The following TTC34 variants were observed in gnomAD, a reference collection of about 807,000 sequenced individuals.
TTC34 encodes tetratricopeptide repeat protein 34.
A neutral mutation model predicts 40.7 loss-of-function variants in TTC34; 44 were observed. The ratio of observed to expected loss-of-function variants is 1.08; its 90% confidence interval spans 0.85 to 1.39. TTC34 has a LOEUF of 1.39. Ranked by LOEUF, TTC34 falls within the 40% of genes most tolerant of loss-of-function variation. TTC34 has a pLI of 0.00. For missense variants in TTC34, 884 were observed against 838.0 expected (o/e 1.05, Z -0.68); for synonymous variants, 422 against 398.6 (o/e 1.06, Z -0.70).
chr1:2,757,057 GGACC>G (rs2100449998), intron 6 of TTC34, among the ~76,000 whole-genome samples: 1 of 148,794 alleles, frequency 6.7e-6, no homozygotes, highest in East Asian at 2.0e-4. Context: ...GCCTGGAACA[GGACC>G]CACACCCCCA....
At chr1:2,683,457 G>T (rs1640172378) in intron 6 of TTC34, among the ~76,000 whole-genome samples, 1 of 151,430 alleles carries the variant, frequency 6.6e-6, no homozygotes, top group African/African-American at 2.4e-5. Flanking sequence ...CCGACAGCCT[G>T]GAGCAGCACC....
chr1:2,789,654 C>T, exon 3 of TTC34: 2 of 1,336,048 alleles, frequency 1.5e-6, no homozygotes, highest in Non-Finnish European at 1.9e-6. Context: ...GGCACGTAGG[C>T]CTTGGCGGCC....
rs1379675465 is a variant in TTC34, at chr1:2,750,358, C to G, written c.2226+33251G>C. On this transcript the variant is annotated intron_variant, in intron 6 of 8. Coordinates refer to ENST00000401095, the Ensembl canonical transcript of TTC34. ...AGCCTCTGACAGCCTTGAACAGCAC[C>G]CTGCACCCCGAGGTGAGCATCTGAC... is the stretch of plus-strand genomic sequence containing the variant. 5.8e-5 allele frequency among the ~76,000 whole-genome samples: 6 copies of G among 103,880 alleles called. 2 individuals are homozygous for G. Among genetic ancestry groups the G allele is most frequent in the African/African-American group, 2.7e-4 (6 of 22,224 alleles). The allele number at this position is 103,880 out of a possible 152,430, so 68.1% of individuals were successfully genotyped here.
At chr1:2,792,725 G>A (rs1435274703) in intron 2 of TTC34, among the ~76,000 whole-genome samples, 1 of 152,202 alleles carries the variant, frequency 6.6e-6, no homozygotes, top group Non-Finnish European at 1.5e-5. Flanking sequence ...ATTTGGTGCT[G>A]CACCCCCTCT....
chr1:2,683,923 A>C (rs1328390972), intron 6 of TTC34, among the ~76,000 whole-genome samples: 7 of 142,770 alleles, frequency 4.9e-5, no homozygotes, highest in Admixed American at 4.2e-4. Context: ...CCTCCAGGTG[A>C]GCATCTGATG....
chr1:2,683,547 C>G (rs1423518187), intron 6 of TTC34, among the ~76,000 whole-genome samples: 2 of 53,172 alleles, frequency 3.8e-5, no homozygotes, highest in African/African-American at 1.1e-4. Context: ...GGAGCAGCAC[C>G]CACAACCACA....
intron 7 of TTC34, among the ~76,000 whole-genome samples, chr1:2,644,869 C>A (rs147787515): frequency 1.3e-5 from 2 of 152,132 alleles, no homozygotes; most frequent in Non-Finnish European, 2.9e-5. Flanking sequence ...GAAGTGGTTT[C>A]CACATCACCA....
intron 6 of TTC34, among the ~76,000 whole-genome samples, chr1:2,749,052 G>A (rs1641234408): frequency 3.6e-5 from 5 of 140,266 alleles, no homozygotes; most frequent in East Asian, 2.2e-4. Flanking sequence ...CCCCAGGTGA[G>A]AATCCGACAG....
At chr1:2,767,781 C>T (rs1318364796) in intron 6 of TTC34, among the ~76,000 whole-genome samples, 1 of 147,872 alleles carries the variant, frequency 6.8e-6, no homozygotes, top group Non-Finnish European at 1.5e-5. Context: ...AGTTGAGCAT[C>T]TGACAGCCTG....
chr1:2,641,719 C>G (rs1334666879), exon 9 of TTC34: 1 of 1,535,388 alleles, frequency 6.5e-7, no homozygotes. Flanking sequence ...CCTCCTGGAG[C>G]ACATGGTCCA....
chr1:2,789,845 C>A, exon 3 of TTC34: 2 of 432,840 alleles, frequency 4.6e-6, no homozygotes, highest in South Asian at 6.3e-5. Context: ...CCGCGAGTCC[C>A]CGGCGTGCAG....
intron 2 of TTC34, among the ~76,000 whole-genome samples, chr1:2,797,299 CT>C (rs1256959774): frequency 1.3e-5 from 2 of 148,300 alleles, no homozygotes; most frequent in Non-Finnish European, 2.9e-5. Context: ...GTCTGCTGGC[CT>C]GGGATGGGGG....
chr1:2,690,120 C>T (rs373104613), intron 6 of TTC34, among the ~76,000 whole-genome samples: 3 of 81,890 alleles, frequency 3.7e-5, no homozygotes, highest in African/African-American at 1.3e-4. Flanking sequence ...TATCTGACTG[C>T]CTGGAACAGC....
chr1:2,696,364 GCGAGGA>G (rs1640865801), intron 6 of TTC34, among the ~76,000 whole-genome samples: 1 of 88,620 alleles, frequency 1.1e-5, no homozygotes, highest in Non-Finnish European at 2.9e-5. Flanking sequence ...ACACCCCCAG[GCGAGGA>G]TCGGACAGCC....
At chr1:2,695,551 CTG>C (rs1640823509) in intron 6 of TTC34, among the ~76,000 whole-genome samples, 1 of 60,900 alleles carries the variant, frequency 1.6e-5, no homozygotes, top group African/African-American at 5.6e-5. Flanking sequence ...GAACAGCATC[CTG>C]CACCCCAGGG....
intron 6 of TTC34, among the ~76,000 whole-genome samples, chr1:2,646,774 C>G (rs539918227): frequency 6.6e-6 from 1 of 152,344 alleles, no homozygotes; most frequent in African/African-American, 2.4e-5. Flanking sequence ...TCATTTCTTC[C>G]AGCAGAGAAT....
chr1:2,691,973 C>G (rs1205610313), intron 6 of TTC34, among the ~76,000 whole-genome samples: 1 of 79,238 alleles, frequency 1.3e-5, no homozygotes, highest in African/African-American at 4.3e-5. Flanking sequence ...CAGACTGGAA[C>G]AGCTCCCACA....
intron 6 of TTC34, among the ~76,000 whole-genome samples, chr1:2,700,361 C>A (rs1464582179): frequency 8.6e-6 from 1 of 116,484 alleles, no homozygotes; most frequent in South Asian, 2.6e-4. Flanking sequence ...CAGCCTGGAG[C>A]AGCGCCCACA....
chr1:2,789,571 G>A (rs141394229), exon 3 of TTC34: 6 of 1,484,148 alleles, frequency 4.0e-6, no homozygotes, highest in Middle Eastern at 1.7e-4. Flanking sequence ...ACGGCCCGGC[G>A]CGTGGAGATC....
Sources: allele counts gnomAD v4.1 joint callset (sites outside exome capture counted in the v4.1 genomes callset), GRCh38; gene constraint gnomAD v4.1.1; transcripts MANE v1.5; gene names NCBI Gene and HGNC (gene_info 2026-07-23, HGNC 2026-07-21).